NALCN: variants seen among roughly 807,000 people sequenced by gnomAD.
NALCN encodes the protein sodium leak channel NALCN.
A neutral mutation model predicts 225.3 loss-of-function variants in NALCN; 111 were observed. That is an observed-to-expected ratio of 0.49 (90% CI 0.42 to 0.58). The LOEUF (loss-of-function observed/expected upper bound fraction) is 0.58. Ranked by LOEUF, NALCN falls within the 20% of genes least tolerant of loss-of-function variation. NALCN has a pLI of 0.00. For synonymous variants in NALCN, 764 were observed against 769.0 expected (o/e 0.99, Z 0.11); for missense variants, 1,378 against 2,202.4 (o/e 0.63, Z 7.49).
In NALCN at chr13:101,104,318, C is replaced by T; in HGVS notation, c.2866G>A (p.Val956Ile). The T allele has an allele frequency of 1.9e-6, 3 of 1,611,604 alleles. No homozygotes were observed. Among genetic ancestry groups the T allele is most frequent in the Admixed American group, 1.7e-5 (1 of 59,510 alleles). Residue 956 changes from valine to isoleucine, a missense_variant, in exon 25 of 44, where the codon GTA becomes ATA. Physicochemically the swap from Val to Ile is conservative, Grantham distance 29 (BLOSUM62 3). This residue lies in a region of NALCN where 292 missense variants were observed against 409.5 expected (regional missense o/e 0.71). Coordinates refer to ENST00000251127, the MANE Select transcript of NALCN (RefSeq NM_052867.4). The surrounding 1 kb of genome is among the most constrained non-coding windows in gnomAD (Gnocchi z 4.2). ...PTAVIRDFGG[V>I]MDIFIYLVSL... is the part of the protein sequence containing the mutation. Reference sequence around the variant, plus strand: ...ACAAGATATATAAATATGTCCATTACTCCACCGAAGTCCCTGATGACAGCA... The same window carrying T: ...ACAAGATATATAAATATGTCCATTATTCCACCGAAGTCCCTGATGACAGCA...
intron 6 of NALCN, among the ~76,000 whole-genome samples, chr13:101,365,896 T>C (rs1393506439): frequency 6.6e-6 from 1 of 152,206 alleles, no homozygotes; most frequent in African/African-American, 2.4e-5. Flanking sequence ...TGGTTACACT[T>C]ACTTACCTTA....
chr13:101,100,548 T>C (rs547057775), intron 27 of NALCN, among the ~76,000 whole-genome samples: 3 of 152,352 alleles, frequency 2.0e-5, no homozygotes, highest in East Asian at 1.9e-4. Flanking sequence ...TGGTACCACA[T>C]GCTTGCCAAG....
chr13:101,284,922 AGTGT>A (rs1486767345), intron 9 of NALCN, among the ~76,000 whole-genome samples: 1 of 152,100 alleles, frequency 6.6e-6, no homozygotes, highest in Non-Finnish European at 1.5e-5. Context: ...CTTAGGAGCG[AGTGT>A]GTGTGTATGT....
chr13:101,333,586 T>C (rs2045261235), intron 7 of NALCN, among the ~76,000 whole-genome samples: 2 of 152,202 alleles, frequency 1.3e-5, no homozygotes, highest in South Asian at 4.1e-4. Flanking sequence ...AAGGAGGCTC[T>C]TACCTCTTCA....
chr13:101,388,806 T>G (rs776992160), intron 3 of NALCN, among the ~76,000 whole-genome samples: 1 of 152,230 alleles, frequency 6.6e-6, no homozygotes, highest in Non-Finnish European at 1.5e-5. Context: ...ATGGAACCCT[T>G]AAGAAGTCAA....
intron 7 of NALCN, among the ~76,000 whole-genome samples, chr13:101,293,796 G>C (rs940587756): frequency 3.9e-5 from 6 of 152,212 alleles, no homozygotes; most frequent in Non-Finnish European, 8.8e-5. Flanking sequence ...GCAAAGTGCA[G>C]TCCTATCGCC....
chr13:101,111,935 A>G (rs1460891985), intron 18 of NALCN, among the ~76,000 whole-genome samples: 1 of 152,198 alleles, frequency 6.6e-6, no homozygotes, highest in African/African-American at 2.4e-5. Flanking sequence ...TTGAATTTAA[A>G]CAAGGTTTCT....
intron 7 of NALCN, among the ~76,000 whole-genome samples, chr13:101,306,686 T>C (rs1043855268): frequency 2.0e-5 from 3 of 152,210 alleles, no homozygotes; most frequent in Non-Finnish European, 4.4e-5. Flanking sequence ...TTGTCATGAA[T>C]TGCTGTGGGT....
Position 101,291,904 on chromosome 13 carries a change from A to G in NALCN, c.1047+86T>C. On this transcript the variant is annotated intron_variant, in intron 9 of 43. Coordinates refer to ENST00000251127, the MANE Select transcript of NALCN (RefSeq NM_052867.4). ...GTCAGACTATAGAAGCCCATCATGC[A>G]AGAGCTTCCCCAAGGTCCACTGATG... 2.2e-6 allele frequency: 3 copies of G among 1,348,578 alleles called. No homozygotes were observed. In the South Asian group the frequency reaches 3.6e-5, roughly 16 times the overall value. The allele number at this position is 1,348,578 out of a possible 1,614,324, so 83.5% of individuals were successfully genotyped here. A position where few individuals can be genotyped will look rare whatever the true frequency, so the allele number is the denominator to read the frequency against.
intron 10 of NALCN, among the ~76,000 whole-genome samples, chr13:101,274,055 C>T (rs142318562): frequency 3.9e-5 from 6 of 152,190 alleles, no homozygotes; most frequent in Admixed American, 1.3e-4. Context: ...ATGTAGACAA[C>T]GAGCACCCTT....
In NALCN at chr13:101,093,196, G is replaced by C. The variant is rs894414987; in HGVS notation, c.3269+2378C>G. Among the ~76,000 whole-genome samples the C allele has an allele frequency of 5.3e-5, 8 of 152,282 alleles. No individual in the cohort carries two copies. The East Asian group carries it at 1.5e-3, about 29-fold the overall frequency. ...TTTACTGAGGTGACTCATCAAGTCT[G>C]AGTGATTCAGAAGAAAGTACATTTA... is the stretch of plus-strand genomic sequence containing the variant. On this transcript the variant is annotated intron_variant, in intron 28 of 43. Transcript: ENST00000251127.
At chr13:101,263,626 CTT>C (rs1388184647) in intron 10 of NALCN, among the ~76,000 whole-genome samples, 3 of 152,286 alleles carry the variant, frequency 2.0e-5, no homozygotes, top group Admixed American at 2.0e-4. Context: ...CACAGCTTCA[CTT>C]TGGTGCTGTC....
At chr13:101,252,579 G>C (rs1198089479) in intron 11 of NALCN, among the ~76,000 whole-genome samples, 1 of 152,140 alleles carries the variant, frequency 6.6e-6, no homozygotes, top group Non-Finnish European at 1.5e-5. Flanking sequence ...AGGCTGGGTA[G>C]GAGGGATAGA....
chr13:101,173,966 AGCCCTACCTTAAAG>A (rs2038855642), intron 15 of NALCN, among the ~76,000 whole-genome samples: 1 of 152,212 alleles, frequency 6.6e-6, no homozygotes, highest in Non-Finnish European at 1.5e-5. Flanking sequence ...TATGCAAATG[AGCCCTACCTTAAAG>A]GCCAAGATCA....
chr13:101,247,003 G>A (rs772289613), intron 11 of NALCN, among the ~76,000 whole-genome samples: 20 of 152,166 alleles, frequency 1.3e-4, no homozygotes, highest in Non-Finnish European at 2.5e-4. Context: ...AGGCAGGAAG[G>A]AATTCTAAAC....
At chr13:101,407,498 A>G (rs147800470) in intron 1 of NALCN, among the ~76,000 whole-genome samples, 12 of 152,366 alleles carry the variant, frequency 7.9e-5, no homozygotes, top group South Asian at 2.1e-4. Flanking sequence ...GTGCATAATT[A>G]TAGAATAGAA....
intron 6 of NALCN, chr13:101,372,973 G>A: frequency 4.2e-6 from 1 of 238,292 alleles, no homozygotes; most frequent in South Asian, 4.5e-5. Flanking sequence ...TCAATGTCAG[G>A]AAAAAATGGC....
At chr13:101,395,477 T>C (rs936265978) in intron 2 of NALCN, 112 bp from the exon 3 acceptor site, 5 of 992,722 alleles carry the variant, frequency 5.0e-6, no homozygotes, top group Non-Finnish European at 5.8e-6. Flanking sequence ...AGTTTACTAA[T>C]GTGGAGGTGA....
chr13:101,149,060 G>A (rs564875405), intron 15 of NALCN, among the ~76,000 whole-genome samples: 5 of 152,288 alleles, frequency 3.3e-5, no homozygotes, highest in African/African-American at 7.2e-5. Flanking sequence ...TTGGGAGGCC[G>A]AGGTGGGCGG....
Sources: allele counts gnomAD v4.1 joint callset (sites outside exome capture counted in the v4.1 genomes callset), GRCh38; gene constraint gnomAD v4.1.1; regional missense constraint gnomAD v4.1.1; non-coding constraint Gnocchi (gnomAD v3.1); transcripts MANE v1.5; gene names NCBI Gene and HGNC (gene_info 2026-07-23, HGNC 2026-07-21).